Variants in LYPD6B observed in about 807,000 individuals in gnomAD.
LYPD6B encodes ly6/PLAUR domain-containing protein 6B.
A neutral mutation model predicts 22.8 loss-of-function variants in LYPD6B; 17 were observed. The ratio of observed to expected loss-of-function variants is 0.75; its 90% confidence interval spans 0.51 to 1.12. The LOEUF (loss-of-function observed/expected upper bound fraction) is 1.12, where lower values mean the gene tolerates loss of function less well. Among genes scored for constraint, LYPD6B ranks in the 50% most tolerant of loss-of-function variants. The pLI is 0.00. For synonymous variants in LYPD6B, 106 were observed against 91.6 expected (o/e 1.16, Z -0.90); for missense variants, 221 against 258.3 (o/e 0.86, Z 0.99).
intron 1 of LYPD6B, among the ~76,000 whole-genome samples, chr2:149,106,179 A>T (rs769160669): frequency 6.6e-6 from 1 of 152,068 alleles, no homozygotes; most frequent in African/African-American, 2.4e-5. Context: ...GTATTGTTAG[A>T]TTCAATTTGC....
intron 1 of LYPD6B, among the ~76,000 whole-genome samples, chr2:149,091,013 A>G (rs187324905): frequency 2.0e-5 from 3 of 152,298 alleles, no homozygotes; most frequent in African/African-American, 7.2e-5. Context: ...CCTGCATTAA[A>G]AACAATGTTC....
chr2:149,109,160 A>G (rs1479518061), intron 1 of LYPD6B, among the ~76,000 whole-genome samples: 1 of 152,178 alleles, frequency 6.6e-6, no homozygotes, highest in African/African-American at 2.4e-5. Context: ...ATGTAGATTC[A>G]TATGTCCACT....
intron 2 of LYPD6B, among the ~76,000 whole-genome samples, chr2:149,155,737 T>C (rs1689659501): frequency 6.6e-6 from 1 of 152,180 alleles, no homozygotes; most frequent in South Asian, 2.1e-4. Context: ...GCAATCCCCT[T>C]TGAGCCACAG....
chr2:149,135,981 C>G (rs1434467672), intron 2 of LYPD6B, among the ~76,000 whole-genome samples: 1 of 152,056 alleles, frequency 6.6e-6, no homozygotes, highest in African/African-American at 2.4e-5. Flanking sequence ...TCATAGTCAT[C>G]GCTACCTGCT....
intron 2 of LYPD6B, among the ~76,000 whole-genome samples, chr2:149,152,287 A>G (rs2105834411): frequency 6.6e-6 from 1 of 152,346 alleles, no homozygotes; most frequent in African/African-American, 2.4e-5. Flanking sequence ...ATTTATGAGT[A>G]CATGTCATAT....
intron 2 of LYPD6B, among the ~76,000 whole-genome samples, chr2:149,131,948 T>A (rs1215728974): frequency 1.3e-5 from 2 of 152,078 alleles, no homozygotes; most frequent in Non-Finnish European, 2.9e-5. Flanking sequence ...TCTCAGGTGA[T>A]CATTTTAGTC....
chr2:149,104,956 G>A (rs575317966), intron 1 of LYPD6B, among the ~76,000 whole-genome samples: 16 of 152,174 alleles, frequency 1.1e-4, no homozygotes, highest in African/African-American at 2.2e-4. Context: ...TATGGGGTAC[G>A]ATGTGATGTT....
intron 3 of LYPD6B, among the ~76,000 whole-genome samples, chr2:149,191,711 G>T (rs1692504495): frequency 6.6e-6 from 1 of 152,192 alleles, no homozygotes; most frequent in Admixed American, 6.5e-5. Context: ...AGGTCAGGGA[G>T]AGGCCTGGTG....
intron 2 of LYPD6B, among the ~76,000 whole-genome samples, chr2:149,132,629 C>T (rs1023617381): frequency 6.6e-6 from 1 of 151,936 alleles, no homozygotes; most frequent in Admixed American, 6.6e-5. Flanking sequence ...AGATGTACTG[C>T]TAAAGACTGG....
intron 5 of LYPD6B, among the ~76,000 whole-genome samples, chr2:149,212,658 G>C (rs1345890836): frequency 6.6e-6 from 1 of 152,166 alleles, no homozygotes; most frequent in African/African-American, 2.4e-5. Flanking sequence ...GAGGGAGAGA[G>C]AGGGCCAGAG....
At chr2:149,058,280 A>G (rs1228209485) in intron 1 of LYPD6B, among the ~76,000 whole-genome samples, 1 of 152,186 alleles carries the variant, frequency 6.6e-6, no homozygotes, top group East Asian at 1.9e-4. Context: ...CTACACTCCA[A>G]TGGGAGCAGT....
At chr2:149,040,593 G>T (rs536069276) in intron 1 of LYPD6B, among the ~76,000 whole-genome samples, 2 of 152,252 alleles carry the variant, frequency 1.3e-5, no homozygotes, top group African/African-American at 4.8e-5. Flanking sequence ...ACAGGGAGAG[G>T]TTTACACAAC....
chr2:149,087,578 T>A (rs7575450), intron 1 of LYPD6B, among the ~76,000 whole-genome samples: 94,791 of 151,840 alleles, frequency 0.62, 29,793 homozygotes, highest in Admixed American at 0.68. Flanking sequence ...AAAAAATTAT[T>A]CTTCTCCAAC....
At chr2:149,184,709 C>T (rs1691976734) in intron 3 of LYPD6B, among the ~76,000 whole-genome samples, 1 of 152,180 alleles carries the variant, frequency 6.6e-6, no homozygotes, top group Admixed American at 6.5e-5. Flanking sequence ...GCACTCCAAC[C>T]TCTGTCTCTT....
Position 149,185,147 on chromosome 2 carries a change from A to G in LYPD6B, c.78-20106A>G, listed in dbSNP as rs544283728. Among the ~76,000 whole-genome samples, 7 of 152,318 alleles carry G rather than the reference A, an allele frequency of 4.6e-5. No individual in the cohort carries two copies. In the South Asian group the frequency reaches 1.5e-3, roughly 32 times the overall value. ...TCTTCTTCCTGTTGAAGAATCTGGC[A>G]CCATGCCCAACTGTTGCATGGGCTT... On this transcript the variant is annotated intron_variant, in intron 3 of 6. Transcript: ENST00000409642.
At chr2:149,071,576 T>C (rs4667360) in intron 1 of LYPD6B, among the ~76,000 whole-genome samples, 22,884 of 152,174 alleles carry the variant, frequency 0.15, 1,958 homozygotes, top group East Asian at 0.34. Context: ...GTAGATATAA[T>C]AGAAGATGCA....
chr2:149,142,089 C>T (rs1010266120), intron 2 of LYPD6B: 1 of 152,184 alleles, frequency 6.6e-6, no homozygotes, highest in Non-Finnish European at 1.5e-5. Context: ...GCCCATGCTG[C>T]ATATTAGAAA....
intron 1 of LYPD6B, among the ~76,000 whole-genome samples, chr2:149,087,007 A>ATT (rs35505094): frequency 1.1e-3 from 171 of 150,106 alleles, no homozygotes; most frequent in Admixed American, 5.3e-3. Flanking sequence ...GTAAGAAGGT[A>ATT]TTTTTTTTTT....
At chr2:149,205,155 G>A in intron 3 of LYPD6B, 98 bp from the exon 4 acceptor site, 1 of 1,251,984 alleles carries the variant, frequency 8.0e-7, no homozygotes, top group South Asian at 1.5e-5. Context: ...TAGATGGTTG[G>A]ATATATTTGG....
Sources: allele counts gnomAD v4.1 joint callset (sites outside exome capture counted in the v4.1 genomes callset), GRCh38; gene constraint gnomAD v4.1.1; transcripts MANE v1.5; gene names NCBI Gene and HGNC (gene_info 2026-07-23, HGNC 2026-07-21).